Variants in MAST2 observed in about 807,000 individuals in gnomAD.
The protein encoded by MAST2 is microtubule associated serine/threonine kinase 2.
In MAST2, 70 loss-of-function variants were observed where a neutral mutation model predicts 147.4. The observed-to-expected ratio is 0.47, with a 90% CI of 0.39 to 0.58. The LOEUF (loss-of-function observed/expected upper bound fraction) is 0.58. Among genes scored for constraint, MAST2 ranks in the 20% least tolerant of loss-of-function variants. The pLI is 0.00. For synonymous variants in MAST2, 869 were observed against 896.8 expected (o/e 0.97, Z 0.55); for missense variants, 2,080 against 2,302.3 (o/e 0.90, Z 1.98).
chr1:45,926,362 T>C (rs1233956836), intron 4 of MAST2, among the ~76,000 whole-genome samples: 1 of 152,232 alleles, frequency 6.6e-6, no homozygotes, highest in African/African-American at 2.4e-5. Context: ...TTCATTTTGC[T>C]TCCATTACTT....
intron 8 of MAST2, among the ~76,000 whole-genome samples, chr1:46,007,606 G>A (rs142352666): frequency 6.6e-6 from 1 of 152,302 alleles, no homozygotes; most frequent in Non-Finnish European, 1.5e-5. Context: ...GAACATCTGG[G>A]ATCATGTGTC....
intron 17 of MAST2, among the ~76,000 whole-genome samples, 200 bp from the exon 18 acceptor site, chr1:46,028,568 T>C: frequency 6.6e-6 from 1 of 152,202 alleles, no homozygotes. Context: ...GAATGAGACA[T>C]TTTTGTTAAT....
At chr1:45,906,948 A>G (rs967155112) in intron 4 of MAST2, among the ~76,000 whole-genome samples, 2 of 152,106 alleles carry the variant, frequency 1.3e-5, no homozygotes, top group Non-Finnish European at 2.9e-5. Context: ...AATACTTACC[A>G]TTGTGTTACA....
At chr1:45,980,296 A>G (rs1281915255) in intron 5 of MAST2, among the ~76,000 whole-genome samples, 2 of 144,428 alleles carry the variant, frequency 1.4e-5, no homozygotes, top group Admixed American at 7.0e-5. Flanking sequence ...AAAAAAAAAA[A>G]AGGCAACAAA....
At chr1:45,942,932 A>G (rs1047682231) in intron 4 of MAST2, among the ~76,000 whole-genome samples, 1 of 152,198 alleles carries the variant, frequency 6.6e-6, no homozygotes, top group East Asian at 1.9e-4. Flanking sequence ...ATACTTTAGG[A>G]TAACATTTCC....
intron 19 of MAST2, 108 bp from the exon 20 acceptor site, chr1:46,029,723 C>T (rs1333999230): frequency 2.1e-6 from 3 of 1,441,792 alleles, no homozygotes; most frequent in Non-Finnish European, 9.5e-7. Context: ...GATGCTTGAG[C>T]TGATCCCCTA....
Position 46,030,293 on chromosome 1 carries a change from G to T in MAST2, c.2553+55G>T. 7 of 1,553,746 alleles carry T rather than the reference G, an allele frequency of 4.5e-6. No individual in the cohort carries two copies. In the South Asian group the frequency reaches 8.0e-5, roughly 18 times the overall value. ...AACAGGCTGGAGGATCAGAAGAAGAGGGCCTGTCAAAGGGCACACCTGGGG... is the reference window on the plus strand; with the variant it reads ...AACAGGCTGGAGGATCAGAAGAAGATGGCCTGTCAAAGGGCACACCTGGGG... On this transcript the variant is annotated intron_variant, in intron 21 of 28. Transcript: ENST00000361297.
chr1:45,873,766 C>G (rs1183270498), intron 3 of MAST2, among the ~76,000 whole-genome samples: 32 of 152,304 alleles, frequency 2.1e-4, no homozygotes, highest in Admixed American at 2.1e-3. Context: ...AGCTGTTCAT[C>G]AAACTCAAAT....
intron 3 of MAST2, among the ~76,000 whole-genome samples, chr1:45,836,056 G>A (rs1003306220): frequency 6.6e-6 from 1 of 152,078 alleles, no homozygotes. Flanking sequence ...GAATAGTACT[G>A]CTGTATTTGT....
rs774296951 is a variant in MAST2, at chr1:46,030,594, C to T, written c.2554-13C>T. 2 of 1,596,798 alleles carry T rather than the reference C, an allele frequency of 1.3e-6. No individual in the cohort carries two copies. Among genetic ancestry groups the T allele is most frequent in the South Asian group, 2.3e-5 (2 of 88,054 alleles). On this transcript the variant is annotated splice_polypyrimidine_tract_variant and intron_variant, in intron 21 of 28. Transcript: ENST00000361297. ...GCCAGAGCCCATCCCCAGCGCATCC[C>T]CTGTGCCCACAGGTGTACAGCAGCA...
At chr1:45,826,540 A>G (rs1312831159) in intron 2 of MAST2, among the ~76,000 whole-genome samples, 1 of 151,794 alleles carries the variant, frequency 6.6e-6, no homozygotes, top group Non-Finnish European at 1.5e-5. Context: ...TTTAGTAGAG[A>G]GGGGGTTTCG....
At position 46,032,580 on chromosome 1, in the gene MAST2, T is replaced by A. The variant is rs1646715802; in HGVS notation, c.3415-16T>A. 4.3e-6 allele frequency: 7 copies of A among 1,613,292 alleles called. No homozygotes were observed. Among genetic ancestry groups the A allele is most frequent in the Non-Finnish European group, 1.7e-6 (2 of 1,179,592 alleles). The stretch of plus-strand genomic sequence containing the variant: ...GTTCAGGCTCCAGTCTGAGTACTGT[T>A]CTCTTCCTGGCACAGCACGTGGAGG... On this transcript the variant is annotated splice_polypyrimidine_tract_variant and intron_variant, in intron 25 of 28. Coordinates refer to ENST00000361297, the MANE Select transcript of MAST2 (RefSeq NM_015112.3).
chr1:45,945,953 A>T (rs758385842), intron 4 of MAST2, among the ~76,000 whole-genome samples: 77 of 152,358 alleles, frequency 5.1e-4, no homozygotes, highest in African/African-American at 1.8e-3. Context: ...AGTGTACTCC[A>T]TTCAGAGAAA....
rs1242499449 is a variant in MAST2, at chr1:45,847,590, C to T, written c.468+18009C>T. ...TTTTTTTCCCATCCTGCACTTTTTC[C>T]CTTTGGTGCTTTAGGTATAGTGACG... On this transcript the variant is annotated intron_variant, in intron 3 of 28. Coordinates refer to ENST00000361297, the MANE Select transcript of MAST2 (RefSeq NM_015112.3). 3.7e-6 allele frequency: 3 copies of T among 813,838 alleles called. No individual in the cohort carries two copies. In the African/African-American group the frequency reaches 5.2e-5, roughly 14 times the overall value. The allele number at this position is 813,838 out of a possible 1,614,324, so 50.4% of individuals were successfully genotyped here. A position where few individuals can be genotyped will look rare whatever the true frequency, so the allele number is the denominator to read the frequency against.
chr1:45,954,503 C>T (rs929935162), intron 4 of MAST2, among the ~76,000 whole-genome samples: 3 of 152,162 alleles, frequency 2.0e-5, no homozygotes, highest in Non-Finnish European at 4.4e-5. Flanking sequence ...TGATTTAACA[C>T]CAGTCTTTGC....
intron 4 of MAST2, among the ~76,000 whole-genome samples, chr1:45,934,776 C>T (rs1234681810): frequency 7.2e-5 from 11 of 152,056 alleles, no homozygotes; most frequent in Admixed American, 7.2e-4. Flanking sequence ...GTATATGTAC[C>T]ATATTTTCTT....
At chr1:46,030,936 T>C in intron 22 of MAST2, 71 bp from the exon 23 acceptor site, 2 of 1,545,486 alleles carry the variant, frequency 1.3e-6, no homozygotes, top group South Asian at 2.4e-5. Context: ...AACCCTTGTG[T>C]GCCCCTAAGG....
At chr1:45,916,425 T>C (rs1483917795) in intron 4 of MAST2, among the ~76,000 whole-genome samples, 1 of 152,170 alleles carries the variant, frequency 6.6e-6, no homozygotes, top group African/African-American at 2.4e-5. Context: ...TAGAAATCTA[T>C]TTATTACCTG....
chr1:46,022,189 A>C, intron 12 of MAST2, 107 bp downstream of exon 12: 2 of 1,442,764 alleles, frequency 1.4e-6, no homozygotes, highest in Non-Finnish European at 9.4e-7. Context: ...TGGACACAAC[A>C]TGGCCCCGGG....
Sources: allele counts gnomAD v4.1 joint callset (sites outside exome capture counted in the v4.1 genomes callset), GRCh38; gene constraint gnomAD v4.1.1; transcripts MANE v1.5; gene names NCBI Gene and HGNC (gene_info 2026-07-23, HGNC 2026-07-21).